The following CTNNA2 variants were observed in gnomAD, a reference collection of about 807,000 sequenced individuals.
CTNNA2 encodes the protein catenin alpha-2.
A neutral mutation model predicts 101.0 loss-of-function variants in CTNNA2; 42 were observed. The ratio of observed to expected loss-of-function variants is 0.42; its 90% CI spans 0.32 to 0.54. CTNNA2 has a LOEUF of 0.54. CTNNA2 is among the 20% of genes least tolerant of loss of function. CTNNA2 has a pLI of 0.14. For missense variants in CTNNA2, 871 were observed against 1,223.1 expected (o/e 0.71, Z 4.29); for synonymous variants, 450 against 456.4 (o/e 0.99, Z 0.18).
At chr2:80,010,995 C>T (rs1693736674) in intron 7 of CTNNA2, among the ~76,000 whole-genome samples, 2 of 151,990 alleles carry the variant, frequency 1.3e-5, no homozygotes, top group African/African-American at 4.8e-5. Flanking sequence ...GGAATATCAC[C>T]ACTATAATCC....
chr2:80,033,185 C>T (rs1168968494), intron 7 of CTNNA2, among the ~76,000 whole-genome samples: 2 of 151,184 alleles, frequency 1.3e-5, no homozygotes, highest in Non-Finnish European at 2.9e-5. Flanking sequence ...CAAAAACCCC[C>T]CAAAAAAACA....
At position 79,302,421 on chromosome 2, in the gene CTNNA2, C is replaced by T. The variant is rs59184657; in HGVS notation, c.-405-10288C>T. ...TATCAGACACCTTTCCCCTCTGTCA[C>T]TTGAGTAAAGAGTAGCTGCAAGGAA... On this transcript the variant is annotated intron_variant, in intron 2 of 21. Coordinates refer to the CTNNA2 transcript ENST00000466387. Among the ~76,000 whole-genome samples, 504 of 152,250 alleles carry T rather than the reference C, an allele frequency of 3.3e-3. 4 individuals are homozygous for T. The highest frequency in any genetic ancestry group is 0.011 in the African/African-American group (474 of 41,546).
chr2:79,414,882 G>A (rs1678461217), intron 4 of CTNNA2, among the ~76,000 whole-genome samples: 1 of 152,106 alleles, frequency 6.6e-6, no homozygotes, highest in Non-Finnish European at 1.5e-5. Context: ...AATGGCCATA[G>A]ACAAGACCAG....
At chr2:79,895,925 G>C (rs944651489) in intron 6 of CTNNA2, among the ~76,000 whole-genome samples, 1 of 152,038 alleles carries the variant, frequency 6.6e-6, no homozygotes, top group Admixed American at 6.5e-5. Context: ...CAAATCTTCA[G>C]AGGAGATTCT....
At chr2:80,250,642 G>A (rs1485359302) in intron 7 of CTNNA2, among the ~76,000 whole-genome samples, 2 of 152,098 alleles carry the variant, frequency 1.3e-5, no homozygotes, top group Non-Finnish European at 2.9e-5. Context: ...CCAGTGGAGA[G>A]GTTAGTAAGT....
At chr2:79,317,432 G>C (rs902211802) in intron 3 of CTNNA2, among the ~76,000 whole-genome samples, 3 of 151,884 alleles carry the variant, frequency 2.0e-5, no homozygotes, top group African/African-American at 7.2e-5. Flanking sequence ...GATTGGGTTG[G>C]GTTATTTGAT....
intron 7 of CTNNA2, among the ~76,000 whole-genome samples, chr2:79,948,024 T>A (rs906698180): frequency 6.6e-6 from 1 of 152,122 alleles, no homozygotes; most frequent in Non-Finnish European, 1.5e-5. Context: ...TCTGGCTAGG[T>A]CATGTGGTAA....
rs185023298 is a variant in CTNNA2 at position 80,551,170 on chromosome 2, T to G, written c.1541-4523T>G. ...AATAACATTTTGAAAAGAATTATTT[T>G]TATTCTGAACAGTAGGTTTCAAGAG... On this transcript the variant is annotated intron_variant, in intron 11 of 18. Transcript: ENST00000402739. Among the ~76,000 whole-genome samples the G allele has an allele frequency of 8.5e-5, 13 of 152,326 alleles. No individual in the cohort carries two copies. The East Asian group carries it at 2.3e-3, about 27-fold the overall frequency.
At chr2:79,617,017 T>C (rs1413390941) in intron 1 of CTNNA2, among the ~76,000 whole-genome samples, 1 of 151,978 alleles carries the variant, frequency 6.6e-6, no homozygotes, top group Non-Finnish European at 1.5e-5. Context: ...TTCTCCTGCC[T>C]CAGCCACCAA....
chr2:79,830,540 C>T (rs1007659828), intron 3 of CTNNA2, among the ~76,000 whole-genome samples: 1 of 152,154 alleles, frequency 6.6e-6, no homozygotes, highest in Non-Finnish European at 1.5e-5. Context: ...CACAGTGTTG[C>T]CCAGGTATGA....
chr2:80,002,048 G>T (rs1418652463), intron 7 of CTNNA2, among the ~76,000 whole-genome samples: 1 of 152,150 alleles, frequency 6.6e-6, no homozygotes, highest in Non-Finnish European at 1.5e-5. Context: ...TTTAAACAAT[G>T]TGTTTTTTAA....
intron 4 of CTNNA2, among the ~76,000 whole-genome samples, chr2:79,411,995 A>G (rs1479491724): frequency 1.3e-5 from 2 of 152,144 alleles, no homozygotes; most frequent in African/African-American, 2.4e-5. Context: ...TGTATTCAGG[A>G]AACCCATCTC....
At chr2:80,181,420 TC>T (rs989981755) in intron 7 of CTNNA2, among the ~76,000 whole-genome samples, 10 of 152,170 alleles carry the variant, frequency 6.6e-5, no homozygotes, top group African/African-American at 2.4e-4. Flanking sequence ...ACATCCCCAT[TC>T]CAAGTTGCAG....
At chr2:80,309,331 A>C (rs996522610) in intron 7 of CTNNA2, among the ~76,000 whole-genome samples, 1 of 151,966 alleles carries the variant, frequency 6.6e-6, no homozygotes, top group African/African-American at 2.4e-5. Flanking sequence ...TTCTTAACTG[A>C]CTCCGAGGCC....
At chr2:80,264,118 A>G (rs756953151) in intron 7 of CTNNA2, among the ~76,000 whole-genome samples, 2 of 152,180 alleles carry the variant, frequency 1.3e-5, no homozygotes, top group Non-Finnish European at 2.9e-5. Flanking sequence ...ATCAATGAGA[A>G]TCCCCTTTAG....
At chr2:80,013,997 T>C (rs1693961705) in intron 7 of CTNNA2, among the ~76,000 whole-genome samples, 1 of 152,116 alleles carries the variant, frequency 6.6e-6, no homozygotes, top group Non-Finnish European at 1.5e-5. Flanking sequence ...GAGAATTAGA[T>C]TGCTTAAAAC....
chr2:80,353,390 G>C (rs890603875), intron 7 of CTNNA2, among the ~76,000 whole-genome samples: 5 of 152,112 alleles, frequency 3.3e-5, no homozygotes, highest in African/African-American at 1.2e-4. Context: ...ATTGTCTTCT[G>C]TTGTCAAATA....
intron 1 of CTNNA2, among the ~76,000 whole-genome samples, chr2:79,559,854 T>C (rs1166021721): frequency 6.6e-6 from 1 of 151,840 alleles, no homozygotes. Context: ...AACTACCATT[T>C]ATGTGCCAGG....
At chr2:79,994,775 C>G (rs1692429443) in intron 7 of CTNNA2, among the ~76,000 whole-genome samples, 1 of 152,050 alleles carries the variant, frequency 6.6e-6, no homozygotes, top group African/African-American at 2.4e-5. Context: ...CGCATTTGCT[C>G]TTGTGCTTAA....
Sources: gnomAD v4.1 joint callset for allele counts (sites outside exome capture counted in the v4.1 genomes callset) on GRCh38, gnomAD v4.1.1 for gene constraint, MANE v1.5 for transcripts, NCBI Gene and HGNC (gene_info 2026-07-23, HGNC 2026-07-21) for gene names.